STPG2: variants seen among roughly 807,000 people sequenced by gnomAD.
STPG2 encodes the protein sperm-tail PG-rich repeat-containing protein 2.
In STPG2, 56 loss-of-function variants were observed where a neutral mutation model predicts 54.2. That is an observed-to-expected ratio of 1.03 (90% confidence interval 0.83 to 1.29). The LOEUF (loss-of-function observed/expected upper bound fraction) is 1.29. Ranked by LOEUF, STPG2 falls within the 50% of genes most tolerant of loss-of-function variation. The pLI, the probability that STPG2 is intolerant of heterozygous loss-of-function variation, is 0.00. For synonymous variants in STPG2, 200 were observed against 181.8 expected (o/e 1.10, Z -0.81); for missense variants, 596 against 544.9 (o/e 1.09, Z -0.93).
chr4:97,538,560 G>A (rs1377855489), intron 4 of STPG2, among the ~76,000 whole-genome samples: 4 of 152,194 alleles, frequency 2.6e-5, no homozygotes, highest in East Asian at 1.9e-4. Context: ...CCAAATCTAC[G>A]TCTCATTGGT....
At chr4:97,533,884 A>C (rs1731470434) in intron 4 of STPG2, among the ~76,000 whole-genome samples, 1 of 152,120 alleles carries the variant, frequency 6.6e-6, no homozygotes, top group African/African-American at 2.4e-5. Context: ...TGAATGAATA[A>C]ATATTTTGAA....
chr4:97,452,761 G>C (rs1271412012), intron 4 of STPG2, among the ~76,000 whole-genome samples: 1 of 152,142 alleles, frequency 6.6e-6, no homozygotes, highest in African/African-American at 2.4e-5. Context: ...TCTCTGCTGA[G>C]AGTTGGGAAA....
chr4:97,718,928 T>C (rs1724369481), intron 9 of STPG2, among the ~76,000 whole-genome samples: 1 of 151,936 alleles, frequency 6.6e-6, no homozygotes, highest in South Asian at 2.1e-4. Context: ...TCCAAAAATC[T>C]GAAATCCAAA....
chr4:97,824,817 G>A (rs906696990), intron 9 of STPG2, among the ~76,000 whole-genome samples: 3 of 152,104 alleles, frequency 2.0e-5, no homozygotes, highest in Admixed American at 6.6e-5. Flanking sequence ...GCCATTTTAC[G>A]GGGGCAGCCT....
intron 6 of STPG2, among the ~76,000 whole-genome samples, chr4:97,976,351 G>C (rs893412503): frequency 2.0e-5 from 3 of 152,140 alleles, no homozygotes; most frequent in African/African-American, 4.8e-5. Context: ...TCTGGCTCAA[G>C]AGCATAACAT....
intron 10 of STPG2, among the ~76,000 whole-genome samples, chr4:97,701,891 C>G (rs1723791049): frequency 6.6e-6 from 1 of 152,144 alleles, no homozygotes; most frequent in South Asian, 2.1e-4. Context: ...CCTTGGGATC[C>G]AATTACTCCC....
intron 8 of STPG2, among the ~76,000 whole-genome samples, chr4:97,886,119 T>C (rs980975425): frequency 1.3e-5 from 2 of 152,134 alleles, no homozygotes; most frequent in East Asian, 1.9e-4. Context: ...CAAAATCTTC[T>C]TGAGGAAAAA....
chr4:97,776,362 G>A (rs1191211856), intron 9 of STPG2, among the ~76,000 whole-genome samples: 1 of 152,126 alleles, frequency 6.6e-6, no homozygotes, highest in African/African-American at 2.4e-5. Context: ...ACAAAGCTGA[G>A]ATTCAATTCT....
At position 97,775,692 on chromosome 4, in the gene STPG2, C is replaced by T. The variant is rs137978079; in HGVS notation, c.1205-62878G>A. Among the ~76,000 whole-genome samples, 1,158 of 152,274 alleles carry T rather than the reference C, an allele frequency of 7.6e-3. 18 individuals are homozygous for T. The highest frequency in any genetic ancestry group is 8.8e-3 in the Admixed American group (135 of 15,292). ...CAACAAAGCAAAACAAATCCTCAAA[C>T]TGTCACTAAAACTTTAGCAGAGGAA... On this transcript the variant is annotated intron_variant, in intron 9 of 10. Transcript: ENST00000295268.
chr4:97,924,972 T>C (rs1732280681), intron 8 of STPG2, among the ~76,000 whole-genome samples: 3 of 152,220 alleles, frequency 2.0e-5, no homozygotes, highest in Admixed American at 6.5e-5. Context: ...ATGTAGAATA[T>C]GAATCATTTG....
intron 8 of STPG2, among the ~76,000 whole-genome samples, chr4:97,874,071 G>A (rs1730089368): frequency 6.6e-6 from 1 of 151,454 alleles, no homozygotes; most frequent in Admixed American, 6.6e-5. Context: ...AGCCTCTTTT[G>A]CAGTGAAGAA....
intron 8 of STPG2, among the ~76,000 whole-genome samples, chr4:97,937,364 C>T (rs1732786684): frequency 6.6e-6 from 1 of 152,086 alleles, no homozygotes; most frequent in Non-Finnish European, 1.5e-5. Flanking sequence ...ATCCACCTTT[C>T]TAAAGGCTAC....
At chr4:97,726,485 A>G (rs1057127009) in intron 9 of STPG2, among the ~76,000 whole-genome samples, 1 of 151,968 alleles carries the variant, frequency 6.6e-6, no homozygotes, top group Non-Finnish European at 1.5e-5. Flanking sequence ...AAAATTCCAG[A>G]TAACTGTGTA....
chr4:98,061,723 T>C (rs1046267764), intron 5 of STPG2, among the ~76,000 whole-genome samples: 1 of 152,004 alleles, frequency 6.6e-6, no homozygotes, highest in South Asian at 2.1e-4. Context: ...ATTAGAGAAA[T>C]GCAAATCAAA....
intron 9 of STPG2, among the ~76,000 whole-genome samples, chr4:97,797,052 T>C (rs1047414853): frequency 2.0e-5 from 3 of 152,242 alleles, no homozygotes; most frequent in African/African-American, 7.2e-5. Flanking sequence ...CCTGAGACTT[T>C]GCTGAAGTTG....
At chr4:98,135,315 T>C (rs1350653716) in intron 1 of STPG2, among the ~76,000 whole-genome samples, 3 of 151,756 alleles carry the variant, frequency 2.0e-5, no homozygotes, top group Admixed American at 2.0e-4. Context: ...GATACTCTAT[T>C]TAAAATAAAA....
chr4:97,566,432 T>C (rs7671330), intron 10 of STPG2, among the ~76,000 whole-genome samples: 6,827 of 152,214 alleles, frequency 0.045, 404 homozygotes, highest in African/African-American at 0.14. Context: ...GCACATGGCG[T>C]GCTGCACCCA....
At chr4:97,470,554 T>TA (rs1729898480) in intron 4 of STPG2, among the ~76,000 whole-genome samples, 1 of 152,134 alleles carries the variant, frequency 6.6e-6, no homozygotes, top group Non-Finnish European at 1.5e-5. Context: ...AAACACTGTA[T>TA]ATACTATGTT....
At chr4:97,906,482 T>C (rs145456897) in intron 8 of STPG2, among the ~76,000 whole-genome samples, 2 of 152,026 alleles carry the variant, frequency 1.3e-5, no homozygotes, top group Admixed American at 6.5e-5. Flanking sequence ...TTCCTATCAA[T>C]AGAAAAAGAG....
Sources: allele counts gnomAD v4.1 joint callset (sites outside exome capture counted in the v4.1 genomes callset), GRCh38; gene constraint gnomAD v4.1.1; transcripts MANE v1.5; gene names NCBI Gene and HGNC (gene_info 2026-07-23, HGNC 2026-07-21).